The following N4BP1 variants were observed in gnomAD, a reference collection of about 807,000 sequenced individuals.
N4BP1 encodes the protein NEDD4-binding protein 1.
A neutral mutation model predicts 70.9 loss-of-function variants in N4BP1; 21 were observed. The observed-to-expected ratio is 0.30, with a 90% CI of 0.21 to 0.43. The LOEUF (loss-of-function observed/expected upper bound fraction) is 0.43. N4BP1 is among the 20% of genes least tolerant of loss of function. The pLI, the probability that N4BP1 is intolerant of heterozygous loss-of-function variation, is 1.00. For missense variants in N4BP1, 936 were observed against 1,069.4 expected (o/e 0.88, Z 1.74); for synonymous variants, 387 against 394.6 (o/e 0.98, Z 0.23).
intron 2 of N4BP1, among the ~76,000 whole-genome samples, chr16:48,559,886 T>A (rs901316918): frequency 1.3e-5 from 2 of 152,206 alleles, no homozygotes; most frequent in African/African-American, 4.8e-5. Context: ...CTTTTAACAA[T>A]GGGGTGACTG....
chr16:48,591,885 CG>C (rs561659641), intron 1 of N4BP1, among the ~76,000 whole-genome samples: 3,189 of 94,898 alleles, frequency 0.034, 48 homozygotes, highest in Non-Finnish European at 0.046. Flanking sequence ...TGTTACCTGA[CG>C]TTTTTTTTTT....
At chr16:48,570,801 T>C (rs1453895887) in intron 1 of N4BP1, among the ~76,000 whole-genome samples, 2 of 152,084 alleles carry the variant, frequency 1.3e-5, no homozygotes, top group Non-Finnish European at 2.9e-5. Context: ...TTTTTTTAAA[T>C]TGATATAATA....
chr16:48,542,805 A>T lies in N4BP1; in HGVS notation c.*99T>A, dbSNP rs1248341689. 1 of 1,129,938 alleles carries T rather than the reference A, an allele frequency of 8.9e-7. No homozygotes were observed. The highest frequency in any genetic ancestry group is 2.5e-5 in the East Asian group (1 of 39,548). 70.0% of individuals were successfully genotyped at this position (1,129,938 alleles called of 1,614,324 possible). A position where few individuals can be genotyped will look rare whatever the true frequency, so the allele number is the denominator to read the frequency against. On this transcript the variant is annotated 3_prime_UTR_variant, in exon 7 of 7. Transcript: ENST00000262384. The stretch of plus-strand genomic sequence containing the variant: ...TGTACAACTGCGTTTACACTGGGAA[A>T]TAAGTTTCTTCACATTATGTTCATT...
At chr16:48,596,171 T>C (rs191508844) in intron 1 of N4BP1, among the ~76,000 whole-genome samples, 92 of 152,330 alleles carry the variant, frequency 6.0e-4, no homozygotes, top group African/African-American at 2.0e-3. Context: ...AACTATAGTA[T>C]GCCTGTTATT....
intron 1 of N4BP1, chr16:48,600,179 G>A: frequency 1.6e-6 from 1 of 626,792 alleles, no homozygotes; most frequent in Non-Finnish European, 2.9e-6. Context: ...ACTGTGAAGT[G>A]TTATTTCTGT....
At chr16:48,595,599 T>C (rs1448603627) in intron 1 of N4BP1, among the ~76,000 whole-genome samples, 3 of 152,184 alleles carry the variant, frequency 2.0e-5, no homozygotes, top group African/African-American at 7.2e-5. Context: ...TGGAAACTAT[T>C]TGTATTTTTA....
chr16:48,550,387 T>C (rs1963648940), intron 4 of N4BP1, among the ~76,000 whole-genome samples: 1 of 152,010 alleles, frequency 6.6e-6, no homozygotes, highest in Non-Finnish European at 1.5e-5. Flanking sequence ...TGGTGGTACA[T>C]GCCTGTAATC....
At position 48,604,843 on chromosome 16, in the gene N4BP1, T is replaced by C. The variant is rs1000574802; in HGVS notation, c.198+4932A>G. Reference sequence around the variant, plus strand: ...CCTTGCTTCTCTTAGATAATAAGACTGGACATCACTGAGCCCTACCATGTA... The same window carrying C: ...CCTTGCTTCTCTTAGATAATAAGACCGGACATCACTGAGCCCTACCATGTA... On this transcript the variant is annotated intron_variant, in intron 1 of 6. Transcript: ENST00000262384. Among the ~76,000 whole-genome samples, 21 of 152,330 alleles carry C rather than the reference T, an allele frequency of 1.4e-4. 1 individual carries two copies. Among genetic ancestry groups the C allele is most frequent in the Non-Finnish European group, 2.8e-4 (19 of 68,036 alleles).
In N4BP1 at chr16:48,546,253, G is replaced by A. The variant is rs1254529678; in HGVS notation, c.2227C>T (p.Leu743=). Residue 743 remains leucine, a splice_region_variant and synonymous_variant, in exon 6 of 7, where the codon CTG becomes TTG. Transcript: ENST00000262384. ...TCCCCCACGAACGTGTACTGCAGCAGCCTACAACACAGAACACCATGAGGC... is the reference window on the plus strand; with the variant it reads ...TCCCCCACGAACGTGTACTGCAGCAACCTACAACACAGAACACCATGAGGC... The part of the protein sequence containing the change: ...VSWREIITKR[L]LQYTFVGDIF... 1 of 1,604,624 alleles carries A rather than the reference G, an allele frequency of 6.2e-7. No homozygotes were observed. Among genetic ancestry groups the A allele is most frequent in the Non-Finnish European group, 8.5e-7 (1 of 1,175,378 alleles).
intron 1 of N4BP1, among the ~76,000 whole-genome samples, chr16:48,580,308 T>C (rs943050267): frequency 1.3e-5 from 2 of 152,100 alleles, no homozygotes; most frequent in African/African-American, 2.4e-5. Flanking sequence ...TGAACAATTA[T>C]ACACGAACAA....
intron 1 of N4BP1, among the ~76,000 whole-genome samples, chr16:48,565,304 C>T (rs1023165908): frequency 3.3e-5 from 5 of 152,120 alleles, no homozygotes; most frequent in Non-Finnish European, 5.9e-5. Context: ...TTTTTACCAA[C>T]GTTCTTTATC....
intron 1 of N4BP1, among the ~76,000 whole-genome samples, chr16:48,567,218 C>T (rs1413500135): frequency 6.6e-6 from 1 of 152,086 alleles, no homozygotes; most frequent in Non-Finnish European, 1.5e-5. Context: ...AATCTGTCTA[C>T]CATTTTACTT....
rs1385271601 is a variant in N4BP1 at position 48,562,330 on chromosome 16, C to T, written c.313G>A (p.Asp105Asn). The change falls in exon 2 of 7, where the codon GAT becomes AAT. Residue 105 changes from aspartate to asparagine, a missense_variant. This residue lies in a region of N4BP1 where 187 missense variants were observed against 217.1 expected (regional missense o/e 0.86). Transcript: ENST00000262384. ...AGAATGCAGAGGTCAGCACAAGTAT[C>T]CTGAATCAAGCTTTTCAGAAACAGG... Reference protein sequence around the residue: ...ESLFLKSLIQDTCADLCILDI... With the variant: ...ESLFLKSLIQNTCADLCILDI... 1 of 1,613,868 alleles carries T rather than the reference C, an allele frequency of 6.2e-7. No homozygotes were observed. The highest frequency in any genetic ancestry group is 1.7e-5 in the Admixed American group (1 of 59,994).
At chr16:48,608,568 T>A (rs546007290) in intron 1 of N4BP1, among the ~76,000 whole-genome samples, 1 of 152,206 alleles carries the variant, frequency 6.6e-6, no homozygotes, top group African/African-American at 2.4e-5. Flanking sequence ...TAGGTCTGAA[T>A]CCTGCTGCCC....
intron 2 of N4BP1, among the ~76,000 whole-genome samples, chr16:48,557,371 A>C (rs1963771043): frequency 6.6e-6 from 1 of 152,222 alleles, no homozygotes; most frequent in South Asian, 2.1e-4. Context: ...GAGGGTATAC[A>C]GCAGCTCTGG....
chr16:48,600,073 C>G (rs768963197), intron 1 of N4BP1: 1 of 313,820 alleles, frequency 3.2e-6, no homozygotes, highest in Non-Finnish European at 5.9e-6. Context: ...TAAAAAATAC[C>G]AGGGTCAAGA....
chr16:48,548,421 C>G (rs1267163926), intron 4 of N4BP1, among the ~76,000 whole-genome samples: 1 of 152,080 alleles, frequency 6.6e-6, no homozygotes, highest in Non-Finnish European at 1.5e-5. Context: ...GCATGAAGAC[C>G]AGAGCAGAGA....
chr16:48,548,683 C>G (rs1963623042), intron 4 of N4BP1, among the ~76,000 whole-genome samples: 1 of 151,530 alleles, frequency 6.6e-6, no homozygotes, highest in South Asian at 2.1e-4. Flanking sequence ...CCCGTCTCTA[C>G]AAAAAAATAC....
At chr16:48,567,644 T>C (rs1488246934) in intron 1 of N4BP1, among the ~76,000 whole-genome samples, 1 of 152,202 alleles carries the variant, frequency 6.6e-6, no homozygotes, top group East Asian at 1.9e-4. Flanking sequence ...TCTATATCTC[T>C]TCATATAGTT....
Sources: gnomAD v4.1 joint callset for allele counts (sites outside exome capture counted in the v4.1 genomes callset) on GRCh38, gnomAD v4.1.1 for gene constraint, gnomAD v4.1.1 regional missense constraint, MANE v1.5 for transcripts, NCBI Gene and HGNC (gene_info 2026-07-23, HGNC 2026-07-21) for gene names.